Variants in TMEM70 observed in about 807,000 individuals in gnomAD.
TMEM70 encodes transmembrane protein 70, mitochondrial.
TMEM70 carries 15 observed loss-of-function variants against 20.5 expected under a neutral mutation model. The ratio of observed to expected loss-of-function variants is 0.73; its 90% confidence interval spans 0.49 to 1.13. The LOEUF is 1.13. TMEM70 is among the 50% of genes most tolerant of loss of function. TMEM70 has a pLI of 0.00. For missense variants in TMEM70, 344 were observed against 331.7 expected (o/e 1.04, Z -0.29); for synonymous variants, 141 against 134.2 (o/e 1.05, Z -0.35).
intron 2 of TMEM70, chr8:73,979,137 G>A (rs1398664513): frequency 3.8e-6 from 2 of 521,692 alleles, no homozygotes; most frequent in South Asian, 1.5e-5. Flanking sequence ...ATGTTCAAGC[G>A]ATTCTCCTGG....
Position 73,981,973 on chromosome 8 carries a change from C to T in TMEM70, c.*352C>T, listed in dbSNP as rs574944821. ...TTTTTCTAAGTGTATAAATATTTTC[C>T]GACATTAAAAGACATTTTCTCTTTG... On this transcript the variant is annotated 3_prime_UTR_variant, in exon 3 of 3. Coordinates refer to ENST00000312184, the MANE Select transcript of TMEM70 (RefSeq NM_017866.6). 2.3e-4 allele frequency: 110 copies of T among 477,142 alleles called. No homozygotes were observed. The highest frequency in any genetic ancestry group is 1.8e-3 in the African/African-American group (93 of 51,064). The allele number at this position is 477,142 out of a possible 1,614,324, so 29.6% of individuals were successfully genotyped here.
chr8:73,976,624 G>T, intron 1 of TMEM70, 133 bp downstream of exon 1: 1 of 893,782 alleles, frequency 1.1e-6, no homozygotes, highest in South Asian at 1.8e-5. Flanking sequence ...AGCCCCCTCT[G>T]CGGGGCTTGC....
chr8:73,980,869 A>G (rs745671968), intron 2 of TMEM70, among the ~76,000 whole-genome samples: 11 of 152,370 alleles, frequency 7.2e-5, no homozygotes, highest in Non-Finnish European at 1.5e-4. Context: ...TCTTTAAGTA[A>G]TATTAACTAC....
Position 73,981,138 on chromosome 8 carries a change from CTTTT to C in TMEM70, c.317-13_317-10del. The C allele has an allele frequency of 6.3e-7, 1 of 1,592,334 alleles. No homozygotes were observed. Among genetic ancestry groups the C allele is most frequent in the Non-Finnish European group, 8.6e-7 (1 of 1,160,922 alleles). Reference sequence around the variant, plus strand: ...AAATTTAAAAGTATTGATCCTCTCTCTTTTTTTCCCATTTAGGTGTGAAATGTTT... The same window carrying C: ...AAATTTAAAAGTATTGATCCTCTCTCTTTCCCATTTAGGTGTGAAATGTTT... On this transcript the variant is annotated splice_polypyrimidine_tract_variant and intron_variant, in intron 2 of 2. Transcript: ENST00000312184.
chr8:73,977,556 AGATTT>A (rs1210820309), intron 1 of TMEM70, among the ~76,000 whole-genome samples: 1 of 152,220 alleles, frequency 6.6e-6, no homozygotes, highest in Non-Finnish European at 1.5e-5. Context: ...CTTTAGAGAA[AGATTT>A]GATCTCTTTA....
rs2131237202 is a variant in TMEM70 at position 73,981,603 on chromosome 8, G to A, written c.765G>A (p.Arg255=). Residue 255 remains arginine, a synonymous_variant, in exon 3 of 3, where the codon CGG becomes CGA. Coordinates refer to ENST00000312184, the MANE Select transcript of TMEM70 (RefSeq NM_017866.6). ...LYMEETSEEK[R]HKDDK ...TGGAAGAAACCAGTGAAGAGAAACG[G>A]CATAAAGATGACAAATGAGCCTATT... 1.9e-6 allele frequency: 3 copies of A among 1,607,468 alleles called. No individual in the cohort carries two copies. The highest frequency in any genetic ancestry group is 2.6e-6 in the Non-Finnish European group (3 of 1,176,466).
Position 73,981,927 on chromosome 8 carries a change from G to A in TMEM70, c.*306G>A, listed in dbSNP as rs1358359205. 1.9e-6 allele frequency: 1 copy of A among 519,924 alleles called. No individual in the cohort carries two copies. Among genetic ancestry groups the A allele is most frequent in the Non-Finnish European group, 3.7e-6 (1 of 271,228 alleles). The allele number at this position is 519,924 out of a possible 1,614,324, so 32.2% of individuals were successfully genotyped here. A position where few individuals can be genotyped will look rare whatever the true frequency, so the allele number is the denominator to read the frequency against. ...GATGTCAGTAGCAAATGGGAGAGTTGCTTTATTCTTTGTGTATGGATTTTT... is the reference window on the plus strand; with the variant it reads ...GATGTCAGTAGCAAATGGGAGAGTTACTTTATTCTTTGTGTATGGATTTTT... On this transcript the variant is annotated 3_prime_UTR_variant, in exon 3 of 3. Coordinates refer to ENST00000312184, the MANE Select transcript of TMEM70 (RefSeq NM_017866.6).
Position 73,981,435 on chromosome 8 carries a change from T to C in TMEM70, c.597T>C (p.Asp199=). 1 of 1,614,212 alleles carries C rather than the reference T, an allele frequency of 6.2e-7. No individual in the cohort carries two copies. The highest frequency in any genetic ancestry group is 8.5e-7 in the Non-Finnish European group (1 of 1,180,038). The part of the protein sequence containing the change: ...AETSTVFHQN[D]VKIPDAKHVF... ...CGAGTACAGTGTTTCACCAGAATGA[T>C]GTGAAGATTCCAGATGCTAAACATG... The change falls in exon 3 of 3, where the codon GAT becomes GAC. Residue 199 remains aspartate (D), a synonymous_variant. Coordinates refer to ENST00000312184, the MANE Select transcript of TMEM70 (RefSeq NM_017866.6).
At position 73,981,395 on chromosome 8, in the gene TMEM70, C is replaced by T. The variant is rs200311538; in HGVS notation, c.557C>T (p.Ala186Val). The T allele has an allele frequency of 2.0e-5, 33 of 1,614,176 alleles. No individual in the cohort carries two copies. The highest frequency in any genetic ancestry group is 4.0e-5 in the African/African-American group (3 of 75,058). The change falls in exon 3 of 3, where the codon GCT (alanine) becomes GTT (valine). Residue 186 changes from alanine to valine, a missense_variant. By Grantham distance (64) the Ala-to-Val change is moderately conservative (BLOSUM62 0). Coordinates refer to ENST00000312184, the MANE Select transcript of TMEM70 (RefSeq NM_017866.6). ...TDTYKAITYN[A>V]MLAETSTVFH... ...ACTTATAAAGCCATTACCTACAATG[C>T]TATGCTTGCAGAAACGAGTACAGTG...
At chr8:73,978,685 T>C in intron 1 of TMEM70, 71 bp from the exon 2 acceptor site, 1 of 1,506,562 alleles carries the variant, frequency 6.6e-7, no homozygotes, top group Non-Finnish European at 9.1e-7. Flanking sequence ...AGAGCAAGAC[T>C]CTGTCTCAAA....
Position 73,981,515 on chromosome 8 carries a change from T to C in TMEM70, c.677T>C (p.Phe226Ser), listed in dbSNP as rs1815798828. 1 of 1,613,926 alleles carries C rather than the reference T, an allele frequency of 6.2e-7. No homozygotes were observed. Among genetic ancestry groups the C allele is most frequent in the Admixed American group, 1.7e-5 (1 of 60,000 alleles). Residue 226 changes from phenylalanine to serine, a missense_variant, in exon 3 of 3, where the codon TTT becomes TCT. By Grantham distance (155) the Phe-to-Ser change is radical. Transcript: ENST00000312184. ...TCACTGTTAGTTAATCCAGTGCTCT[T>C]TCCAAACCGTGAAGACTATATCCAT... ...TKSLLVNPVLFPNREDYIHLM... is the reference protein window; with the variant it reads ...TKSLLVNPVLSPNREDYIHLM...
Position 73,982,032 on chromosome 8 carries a change from G to A in TMEM70, c.*411G>A, listed in dbSNP as rs1406585829. Reference sequence around the variant, plus strand: ...ACAGTCATAGGTGGTGCGGAGCTGTGGTCCACCTGCTCCTGCTCCTGACTC... The same window carrying A: ...ACAGTCATAGGTGGTGCGGAGCTGTAGTCCACCTGCTCCTGCTCCTGACTC... On this transcript the variant is annotated 3_prime_UTR_variant, in exon 3 of 3. Coordinates refer to ENST00000312184, the MANE Select transcript of TMEM70 (RefSeq NM_017866.6). 1 of 465,500 alleles carries A rather than the reference G, an allele frequency of 2.1e-6. No individual in the cohort carries two copies. Among genetic ancestry groups the A allele is most frequent in the African/African-American group, 2.0e-5 (1 of 50,562 alleles). 28.8% of individuals were successfully genotyped at this position (465,500 alleles called of 1,614,324 possible).
chr8:73,981,046 GTTGTC>G (rs1815779697), intron 2 of TMEM70, 104 bp from the exon 3 acceptor site: 1 of 886,110 alleles, frequency 1.1e-6, no homozygotes, highest in Non-Finnish European at 1.8e-6. Context: ...GTTTGATTTT[GTTGTC>G]TTGAGCTGAT....
In TMEM70 at chr8:73,982,339, TA is replaced by T; in HGVS notation, c.*720del. On this transcript the variant is annotated 3_prime_UTR_variant, in exon 3 of 3. Coordinates refer to ENST00000312184, the MANE Select transcript of TMEM70 (RefSeq NM_017866.6). The stretch of plus-strand genomic sequence containing the variant: ...CAAGAAAAACTTACGGTGAAGGTTC[TA>T]AGGCATGGGATCGTTTCCAGATGAG... 1 of 695,140 alleles carries T rather than the reference TA, an allele frequency of 1.4e-6. No homozygotes were observed. Among genetic ancestry groups the T allele is most frequent in the Non-Finnish European group, 2.6e-6 (1 of 383,394 alleles). 43.1% of individuals were successfully genotyped at this position (695,140 alleles called of 1,614,324 possible).
rs983044993 is a variant in TMEM70 at position 73,976,295 on chromosome 8, C to T, written c.14C>T (p.Ala5Val). 3.1e-6 allele frequency: 5 copies of T among 1,600,686 alleles called. No individual in the cohort carries two copies. Among genetic ancestry groups the T allele is most frequent in the Non-Finnish European group, 4.2e-6 (5 of 1,179,530 alleles). Reference sequence around the variant, plus strand: ...GTCACCCGCGTGATGCTGTTTCTGGCGTTGGGCAGCCCGTGGGCGGTCGAA... The same window carrying T: ...GTCACCCGCGTGATGCTGTTTCTGGTGTTGGGCAGCCCGTGGGCGGTCGAA... MLFLALGSPWAVELP... is the reference protein window; with the variant it reads MLFLVLGSPWAVELP... Residue 5 changes from alanine (A) to valine (V), a missense_variant, in exon 1 of 3, where the codon GCG (alanine) becomes GTG (valine). Physicochemically the swap from Ala to Val is moderately conservative, Grantham distance 64 (BLOSUM62 0). Transcript: ENST00000312184.
At chr8:73,978,940 G>C (rs986395757) in intron 2 of TMEM70, 79 bp downstream of exon 2, 2 of 1,510,090 alleles carry the variant, frequency 1.3e-6, no homozygotes, top group Non-Finnish European at 1.8e-6. Context: ...TATCTTACTT[G>C]TTGTTATGGC....
chr8:73,977,727 C>T (rs1815687680), intron 1 of TMEM70, among the ~76,000 whole-genome samples: 1 of 152,098 alleles, frequency 6.6e-6, no homozygotes, highest in Non-Finnish European at 1.5e-5. Context: ...TGGCCTTAAA[C>T]TCCTGGGCTC....
At chr8:73,980,468 A>G (rs953250242) in intron 2 of TMEM70, among the ~76,000 whole-genome samples, 2 of 152,064 alleles carry the variant, frequency 1.3e-5, no homozygotes, top group Non-Finnish European at 2.9e-5. Flanking sequence ...CCTGGGTTCA[A>G]GGATTTTCCT....
rs73335823 is a variant in TMEM70 at position 73,982,673 on chromosome 8, G to C, written c.*1052G>C. Reference sequence around the variant, plus strand: ...CTGGTGGTTAGCTATACGGGAAATGGTAAGTAGTGTTGTCTTCAGTATCTT... The same window carrying C: ...CTGGTGGTTAGCTATACGGGAAATGCTAAGTAGTGTTGTCTTCAGTATCTT... On this transcript the variant is annotated 3_prime_UTR_variant, in exon 3 of 3. Coordinates refer to ENST00000312184, the MANE Select transcript of TMEM70 (RefSeq NM_017866.6). The C allele has an allele frequency of 2.8e-3, 1,275 of 461,890 alleles. 17 individuals carry two copies. The highest frequency in any genetic ancestry group is 0.021 in the African/African-American group (1,075 of 50,532). 28.6% of individuals were successfully genotyped at this position (461,890 alleles called of 1,614,324 possible). A position where few individuals can be genotyped will look rare whatever the true frequency, so the allele number is the denominator to read the frequency against.
Sources: allele counts gnomAD v4.1 joint callset (sites outside exome capture counted in the v4.1 genomes callset), GRCh38; gene constraint gnomAD v4.1.1; transcripts MANE v1.5; gene names NCBI Gene and HGNC (gene_info 2026-07-23, HGNC 2026-07-21).